Variants in SF3B3 observed in about 807,000 individuals in gnomAD.
SF3B3 encodes splicing factor 3b subunit 3, also known as SAP 130.
Under a neutral mutation model 139.2 loss-of-function variants are expected in SF3B3, and 33 were observed. The ratio of observed to expected loss-of-function variants is 0.24; its 90% CI spans 0.18 to 0.32. SF3B3 has a LOEUF of 0.32. Ranked by LOEUF, SF3B3 falls within the 10% of genes least tolerant of loss-of-function variation. The pLI is 1.00. For missense variants in SF3B3, 818 were observed against 1,509.4 expected (o/e 0.54, Z 7.59); for synonymous variants, 596 against 563.6 (o/e 1.06, Z -0.81).
chr16:70,531,287 G>A (rs182523577), intron 4 of SF3B3, among the ~76,000 whole-genome samples: 5 of 152,080 alleles, frequency 3.3e-5, no homozygotes, highest in East Asian at 3.9e-4. Context: ...CGAAAAGATC[G>A]TTTTCTTCCT....
chr16:70,561,426 G>A, intron 16 of SF3B3: 1 of 564,102 alleles, frequency 1.8e-6, no homozygotes, highest in Non-Finnish European at 3.1e-6. Flanking sequence ...TAGATCATAT[G>A]GCTCGTAGCC....
intron 15 of SF3B3, among the ~76,000 whole-genome samples, chr16:70,558,444 A>G (rs1052288211): frequency 3.9e-5 from 6 of 152,060 alleles, no homozygotes; most frequent in South Asian, 2.1e-4. Flanking sequence ...TTAACTCTGT[A>G]TATCTGAAAT....
intron 21 of SF3B3, 122 bp from the exon 22 acceptor site, chr16:70,568,161 T>G: frequency 1.3e-6 from 1 of 747,114 alleles, no homozygotes; most frequent in East Asian, 2.5e-5. Flanking sequence ...CATTGCTAAC[T>G]GCTGGTTTTT....
chr16:70,550,959 C>T (rs1261371491), intron 11 of SF3B3, among the ~76,000 whole-genome samples: 1 of 152,252 alleles, frequency 6.6e-6, no homozygotes, highest in African/African-American at 2.4e-5. Context: ...TAGCTTCATA[C>T]TCTCATAGAG....
At chr16:70,539,026 C>A in intron 7 of SF3B3, 78 bp from the exon 8 acceptor site, 2 of 1,016,558 alleles carry the variant, frequency 2.0e-6, no homozygotes, top group African/African-American at 1.6e-5. Context: ...ATTTTATTTG[C>A]TACTCAGCCT....
intron 15 of SF3B3, 23 bp from the exon 16 acceptor site, chr16:70,560,446 C>T (rs771700906): frequency 2.0e-5 from 32 of 1,611,174 alleles, no homozygotes; most frequent in Non-Finnish European, 2.5e-5. Context: ...TCAGGCTTCA[C>T]CTGCTCCTCT....
chr16:70,531,062 C>T lies in SF3B3; in HGVS notation c.570+145C>T, dbSNP rs1285101771. The T allele has an allele frequency of 1.8e-5, 12 of 678,480 alleles. No individual in the cohort carries two copies. The Admixed American group carries it at 1.8e-4, about 10-fold the overall frequency. The allele number at this position is 678,480 out of a possible 1,614,324, so 42.0% of individuals were successfully genotyped here. ...CTGGCGGATCATGAGGTCAGGAGAT[C>T]GAGACCATTCTGGCTAACACAGTGA... On this transcript the variant is annotated intron_variant, in intron 4 of 25. Coordinates refer to ENST00000302516, the MANE Select transcript of SF3B3 (RefSeq NM_012426.5).
intron 2 of SF3B3, 56 bp from the exon 3 acceptor site, chr16:70,528,817 C>A: frequency 7.5e-7 from 1 of 1,332,788 alleles, no homozygotes; most frequent in Non-Finnish European, 1.1e-6. Context: ...GGGGTTTCAC[C>A]ATGGTGGCCA....
intron 15 of SF3B3, among the ~76,000 whole-genome samples, chr16:70,559,131 C>G (rs2050405009): frequency 6.6e-6 from 1 of 152,090 alleles, no homozygotes; most frequent in Non-Finnish European, 1.5e-5. Context: ...TCCCGTCAAC[C>G]CTTTACTTAC....
Position 70,573,689 on chromosome 16 carries a change from G to A in SF3B3, c.*1876G>A, listed in dbSNP as rs2050550480. On this transcript the variant is annotated 3_prime_UTR_variant, in exon 26 of 26. Transcript: ENST00000302516. ...TGTTAAGGGGACCTGATTGACTCCT[G>A]TGGTTTGATTGAGCAACCAGGTAAA... The A allele has an allele frequency of 6.6e-6, 1 of 152,240 alleles. No individual in the cohort carries two copies. The highest frequency in any genetic ancestry group is 1.5e-5 in the Non-Finnish European group (1 of 68,050). 9.4% of individuals were successfully genotyped at this position (152,240 alleles called of 1,614,324 possible). A position where few individuals can be genotyped will look rare whatever the true frequency, so the allele number is the denominator to read the frequency against.
chr16:70,569,006 G>A (rs751632370), intron 22 of SF3B3, 37 bp from the exon 23 acceptor site: 12 of 1,492,908 alleles, frequency 8.0e-6, no homozygotes, highest in South Asian at 6.0e-5. Flanking sequence ...GAGCAGGTCC[G>A]GGCCCCAGCA....
At chr16:70,527,726 CGTTTTTGTTTTTTGTTTGTTTT>C (rs1273505714) in intron 2 of SF3B3, among the ~76,000 whole-genome samples, 113 of 152,150 alleles carry the variant, frequency 7.4e-4, no homozygotes, top group East Asian at 2.1e-3. Context: ...TTTGAAAGCA[CGTTTTTGTTTTTTGTTTGTTTT>C]GTTTTTGTTT....
In SF3B3 at chr16:70,529,278, A is replaced by G. The variant is rs8047593; in HGVS notation, c.397+79A>G. 32,306 of 1,160,402 alleles carry G rather than the reference A, an allele frequency of 0.028. 5,901 individuals carry two copies. In the African/African-American group the frequency reaches 0.41, roughly 15 times the overall value. 71.9% of individuals were successfully genotyped at this position (1,160,402 alleles called of 1,614,324 possible). ...TGCTCTTGGTGGTGTGCCAGTGCCA[A>G]TTAATTACTTATGTGGGTTTGGCAT... is the stretch of plus-strand genomic sequence containing the variant. On this transcript the variant is annotated intron_variant, in intron 3 of 25. Coordinates refer to ENST00000302516, the MANE Select transcript of SF3B3 (RefSeq NM_012426.5).
chr16:70,558,971 T>G (rs1435655573), intron 15 of SF3B3, among the ~76,000 whole-genome samples: 1 of 152,136 alleles, frequency 6.6e-6, no homozygotes, highest in Admixed American at 6.5e-5. Flanking sequence ...AGAAGTTGGT[T>G]AGATTCAGAT....
At chr16:70,559,199 T>C (rs2050405484) in intron 15 of SF3B3, among the ~76,000 whole-genome samples, 2 of 152,212 alleles carry the variant, frequency 1.3e-5, no homozygotes, top group Admixed American at 1.3e-4. Context: ...AAATGATTTA[T>C]TTCTTTTTGG....
At chr16:70,556,455 GAATCCATAC>G in intron 14 of SF3B3, 121 bp downstream of exon 14, 3 of 1,067,596 alleles carry the variant, frequency 2.8e-6, no homozygotes, top group Non-Finnish European at 4.3e-6. Context: ...TTAGAACCCA[GAATCCATAC>G]CTGCTGCTTC....
At chr16:70,540,451 G>C (rs1056128647) in intron 8 of SF3B3, among the ~76,000 whole-genome samples, 1 of 151,946 alleles carries the variant, frequency 6.6e-6, no homozygotes, top group Non-Finnish European at 1.5e-5. Context: ...GGAGTGCAGG[G>C]GTGCAATCTC....
At chr16:70,565,689 G>GCACATGGAAAA in intron 20 of SF3B3, 165 bp downstream of exon 20, 2 of 635,310 alleles carry the variant, frequency 3.1e-6, no homozygotes, top group Non-Finnish European at 5.4e-6. Context: ...TGATGTTCTT[G>GCACATGGAAAA]TGCCTGTGCA....
At position 70,548,443 on chromosome 16, in the gene SF3B3, G is replaced by A. The variant is rs746698505; in HGVS notation, c.1402+1G>A. The A allele has an allele frequency of 6.2e-7, 1 of 1,613,564 alleles. No homozygotes were observed. Among genetic ancestry groups the A allele is most frequent in the Non-Finnish European group, 8.5e-7 (1 of 1,179,818 alleles). On this transcript the variant is annotated splice_donor_variant, in intron 11 of 25. Coordinates refer to ENST00000302516, the MANE Select transcript of SF3B3 (RefSeq NM_012426.5). LOFTEE classifies it high-confidence loss of function. Reference sequence around the variant, plus strand: ...TGGACAGTGCGTCGACACATTGAAGGTAAGCAGCTTTTTCCCAATAGTCAA... The same window carrying A: ...TGGACAGTGCGTCGACACATTGAAGATAAGCAGCTTTTTCCCAATAGTCAA...
Sources: gnomAD v4.1 joint callset for allele counts (sites outside exome capture counted in the v4.1 genomes callset) on GRCh38, gnomAD v4.1.1 for gene constraint, MANE v1.5 for transcripts, NCBI Gene and HGNC (gene_info 2026-07-23, HGNC 2026-07-21) for gene names.